ITIH5: variants seen among roughly 807,000 people sequenced by gnomAD.
ITIH5 encodes inter-alpha-trypsin inhibitor heavy chain 5.
ITIH5 carries 65 observed loss-of-function variants against 77.5 expected under a neutral mutation model. The ratio of observed to expected loss-of-function variants is 0.84; its 90% CI spans 0.69 to 1.03. The LOEUF is 1.03. Ranked by LOEUF, ITIH5 falls within the 50% of genes least tolerant of loss-of-function variation. The pLI, the probability that ITIH5 is intolerant of heterozygous loss-of-function variation, is 0.00. For missense variants in ITIH5, 1,208 were observed against 1,213.1 expected (o/e 1.00, Z 0.06); for synonymous variants, 525 against 494.3 (o/e 1.06, Z -0.82).
At chr10:7,631,060 A>G (rs1833704147) in intron 5 of ITIH5, among the ~76,000 whole-genome samples, 1 of 151,936 alleles carries the variant, frequency 6.6e-6, no homozygotes, top group Admixed American at 6.6e-5. Flanking sequence ...AAAAGAGTTT[A>G]GAAAACAAAG....
At chr10:7,592,255 G>A (rs1832807283) in intron 7 of ITIH5, among the ~76,000 whole-genome samples, 1 of 152,166 alleles carries the variant, frequency 6.6e-6, no homozygotes, top group African/African-American at 2.4e-5. Flanking sequence ...TGACAAATGT[G>A]TTCTGAATAA....
Position 7,563,118 on chromosome 10 carries a change from T to C in ITIH5, c.2794A>G (p.Met932Val). ...CTGGACATTCCCCGGCCAAGTGTCA[T>C]CCCTGTGTCAAATGGATGGGATGCC... ...YLASHPFDTG[M>V]TLGRGMSREL The change falls in exon 14 of 14, where the codon ATG (methionine) becomes GTG (valine). Residue 932 changes from methionine (M) to valine (V), a missense_variant. Physicochemically the swap from Met to Val is conservative, Grantham distance 21. Transcript: ENST00000397146. 2 of 1,613,614 alleles carry C rather than the reference T, an allele frequency of 1.2e-6. No homozygotes were observed. The highest frequency in any genetic ancestry group is 1.7e-6 in the Non-Finnish European group (2 of 1,179,816).
intron 7 of ITIH5, among the ~76,000 whole-genome samples, chr10:7,602,203 T>C (rs1833029584): frequency 6.6e-6 from 1 of 152,194 alleles, no homozygotes; most frequent in Admixed American, 6.5e-5. Context: ...TCCTCTTCCC[T>C]GAAGGAGTTT....
At chr10:7,649,012 T>G (rs1427626382) in intron 2 of ITIH5, among the ~76,000 whole-genome samples, 1 of 152,172 alleles carries the variant, frequency 6.6e-6, no homozygotes, top group African/African-American at 2.4e-5. Flanking sequence ...GCCCTTCTCT[T>G]ACAGTTTCCT....
chr10:7,648,295 C>T (rs1360456449), intron 2 of ITIH5, among the ~76,000 whole-genome samples: 3 of 150,852 alleles, frequency 2.0e-5, no homozygotes, highest in African/African-American at 4.9e-5. Flanking sequence ...AGCCTTTTCG[C>T]AGTGATTATT....
At chr10:7,632,433 T>C (rs7073526) in intron 5 of ITIH5, among the ~76,000 whole-genome samples, 31,825 of 151,982 alleles carry the variant, frequency 0.21, 4,477 homozygotes, top group African/African-American at 0.4. Flanking sequence ...TTCAAATAAG[T>C]AAATGCTACA....
chr10:7,625,913 C>G (rs1049960271), intron 5 of ITIH5, among the ~76,000 whole-genome samples: 2 of 152,188 alleles, frequency 1.3e-5, no homozygotes, highest in Non-Finnish European at 2.9e-5. Context: ...ACATCTTAGA[C>G]GTCTGTAGAT....
intron 7 of ITIH5, among the ~76,000 whole-genome samples, chr10:7,590,868 C>G (rs1354819102): frequency 6.6e-6 from 1 of 152,196 alleles, no homozygotes; most frequent in Non-Finnish European, 1.5e-5. Context: ...TCCATGGCCC[C>G]TCGCTGCCCT....
chr10:7,596,669 T>C lies in ITIH5; in HGVS notation c.940-10600A>G, dbSNP rs117089733. The stretch of plus-strand genomic sequence containing the variant: ...TCAGTCTAAAATGTTCACCAGGGAG[T>C]TGACATTTTCCTTCCCATTGATCCA... On this transcript the variant is annotated intron_variant, in intron 7 of 13. Transcript: ENST00000397146. 4.5e-4 allele frequency among the ~76,000 whole-genome samples: 68 copies of C among 151,980 alleles called. No homozygotes were observed. In the East Asian group the frequency reaches 0.012, roughly 27 times the overall value.
intron 1 of ITIH5, among the ~76,000 whole-genome samples, chr10:7,662,126 G>T (rs1413595778): frequency 6.6e-6 from 1 of 152,180 alleles, no homozygotes; most frequent in Non-Finnish European, 1.5e-5. Context: ...GGGAGGTCAA[G>T]GCAGGCCGAT....
rs188709524 is a variant in ITIH5 at position 7,567,585 on chromosome 10, G to A, written c.2150-1178C>T. Among the ~76,000 whole-genome samples the A allele has an allele frequency of 3.3e-4, 50 of 151,692 alleles. No homozygotes were observed. In the East Asian group the frequency reaches 9.4e-3, roughly 29 times the overall value. On this transcript the variant is annotated intron_variant, in intron 12 of 13. Transcript: ENST00000397146. ...TTCCCACCTATGAGTGAGAACATGC[G>A]GTGTTTGGTTTTCTGTCCTTGCAAT...
At chr10:7,646,847 A>C (rs983737303) in intron 2 of ITIH5, among the ~76,000 whole-genome samples, 1 of 152,200 alleles carries the variant, frequency 6.6e-6, no homozygotes, top group African/African-American at 2.4e-5. Context: ...GCAAGGTGGA[A>C]GCTAGATGCC....
intron 7 of ITIH5, chr10:7,600,460 A>G: frequency 2.2e-6 from 1 of 450,642 alleles, no homozygotes; most frequent in Non-Finnish European, 4.5e-6. Context: ...CACTGCTGCC[A>G]TCAACCCAGC....
At position 7,641,963 on chromosome 10, in the gene ITIH5, T is replaced by G. The variant is rs751526351; in HGVS notation, c.263A>C (p.Gln88Pro). ...SEDQDIEFQM[Q>P]IPAAAFITNF... ...GGTGATGAAAGCTGCAGCTGGAATC[T>G]GCATCTGGAACTCAATGTCCTGGTC... The change falls in exon 3 of 14, where the codon CAG becomes CCG. Residue 88 changes from glutamine (Q) to proline (P), a missense_variant. By Grantham distance (76) the Gln-to-Pro change is moderately conservative (BLOSUM62 -1). Transcript: ENST00000397146. 3 of 1,614,074 alleles carry G rather than the reference T, an allele frequency of 1.9e-6. No homozygotes were observed.
intron 2 of ITIH5, among the ~76,000 whole-genome samples, chr10:7,645,236 G>A (rs1367355754): frequency 1.3e-5 from 2 of 151,986 alleles, no homozygotes; most frequent in Admixed American, 1.3e-4. Context: ...GTTCATTTAA[G>A]TAATGATCAA....
intron 7 of ITIH5, among the ~76,000 whole-genome samples, chr10:7,610,476 TA>T (rs1488550590): frequency 6.6e-6 from 1 of 152,158 alleles, no homozygotes; most frequent in African/African-American, 2.4e-5. Flanking sequence ...TACATTGCAA[TA>T]AATGCAGCAA....
Position 7,666,960 on chromosome 10 carries a change from C to A in ITIH5, c.-68G>T. The stretch of plus-strand genomic sequence containing the variant: ...CGCTTTGCAGCGCCCAGGGCTCCAG[C>A]CACTGCGGGACGCTCTCGGGGCCGC... On this transcript the variant is annotated 5_prime_UTR_variant, in exon 1 of 14. Transcript: ENST00000397146. 4 of 1,309,012 alleles carry A rather than the reference C, an allele frequency of 3.1e-6. No individual in the cohort carries two copies. Among genetic ancestry groups the A allele is most frequent in the Non-Finnish European group, 4.2e-6 (4 of 955,422 alleles). The allele number at this position is 1,309,012 out of a possible 1,614,324, so 81.1% of individuals were successfully genotyped here.
At position 7,585,849 on chromosome 10, in the gene ITIH5, A is replaced by AAAAAAG. The variant is rs1554750680; in HGVS notation, c.1108+51_1108+52insCTTTTT. 3.7e-5 allele frequency: 55 copies of AAAAAAG among 1,470,746 alleles called. 3 individuals carry two copies. The highest frequency in any genetic ancestry group is 1.2e-4 in the East Asian group (5 of 42,742). 91.1% of individuals were successfully genotyped at this position (1,470,746 alleles called of 1,614,324 possible). On this transcript the variant is annotated intron_variant, in intron 8 of 13. Transcript: ENST00000397146. The stretch of plus-strand genomic sequence containing the variant: ...GCAAAAAAAAAAAAAAACCAAAAAA[A>AAAAAAG]AAAACATTATTTCAAAGCCAAGCCA...
At chr10:7,592,755 T>C (rs996744095) in intron 7 of ITIH5, among the ~76,000 whole-genome samples, 2 of 152,172 alleles carry the variant, frequency 1.3e-5, no homozygotes, top group African/African-American at 4.8e-5. Flanking sequence ...CCCTGGTTCA[T>C]CCTGGGCTCA....
Sources: gnomAD v4.1 joint callset for allele counts (sites outside exome capture counted in the v4.1 genomes callset) on GRCh38, gnomAD v4.1.1 for gene constraint, MANE v1.5 for transcripts, NCBI Gene and HGNC (gene_info 2026-07-23, HGNC 2026-07-21) for gene names.